RFTN1: variants seen among roughly 807,000 people sequenced by gnomAD.
The protein encoded by RFTN1 is raftlin, lipid raft linker 1.
A neutral mutation model predicts 46.5 loss-of-function variants in RFTN1; 26 were observed. The observed-to-expected ratio is 0.56, with a 90% confidence interval of 0.41 to 0.78. The LOEUF (loss-of-function observed/expected upper bound fraction) is 0.78, where lower values mean the gene tolerates loss of function less well. Ranked by LOEUF, RFTN1 falls within the 30% of genes least tolerant of loss-of-function variation. The pLI is 0.00. For missense variants in RFTN1, 693 were observed against 718.7 expected (o/e 0.96, Z 0.41); for synonymous variants, 261 against 284.2 (o/e 0.92, Z 0.82).
chr3:16,454,424 T>C (rs1198089680), intron 2 of RFTN1, among the ~76,000 whole-genome samples: 2 of 152,162 alleles, frequency 1.3e-5, no homozygotes, highest in African/African-American at 4.8e-5. Flanking sequence ...CCAGATCTAC[T>C]AAATCAGACC....
rs1319125441 is a variant in RFTN1, at chr3:16,446,077, C to G, written c.146-12040G>C. Among the ~76,000 whole-genome samples, 2 of 152,088 alleles carry G rather than the reference C, an allele frequency of 1.3e-5. No individual in the cohort carries two copies. Among genetic ancestry groups the G allele is most frequent in the African/African-American group, 4.8e-5 (2 of 41,390 alleles). ...TGAAGAAATTCTCCTCTGATAAGGC[C>G]ACAGTCCACATCAGGACTGCAGTAG... is the stretch of plus-strand genomic sequence containing the variant. On this transcript the variant is annotated intron_variant, in intron 2 of 9. Transcript: ENST00000334133. The surrounding 1 kb of genome is among the most constrained non-coding windows in gnomAD (Gnocchi z 4.5).
At chr3:16,397,248 C>T (rs764184910) in intron 4 of RFTN1, among the ~76,000 whole-genome samples, 29 of 151,326 alleles carry the variant, frequency 1.9e-4, no homozygotes, top group Admixed American at 1.1e-3. Flanking sequence ...AAGGCAGACA[C>T]GAAATGAAAA....
chr3:16,326,059 G>T (rs1411841427), intron 8 of RFTN1, among the ~76,000 whole-genome samples: 1 of 152,236 alleles, frequency 6.6e-6, no homozygotes, highest in East Asian at 1.9e-4. Flanking sequence ...CCTAGCCTCA[G>T]TTTCCTCATC....
At chr3:16,390,121 C>T (rs56013899) in intron 4 of RFTN1, among the ~76,000 whole-genome samples, 5,432 of 152,276 alleles carry the variant, frequency 0.036, 139 homozygotes, top group Middle Eastern at 0.082. Flanking sequence ...AAGTACTGCC[C>T]AAGTTGCAGA....
chr3:16,465,317 A>G lies in RFTN1; in HGVS notation c.145+28408T>C, dbSNP rs1046361155. ...AGAAAAATGAGAAGTATCCTGAAGA[A>G]TGTGTTCAATTTTTATCCATTTGAT... On this transcript the variant is annotated intron_variant, in intron 2 of 9. Transcript: ENST00000334133. This position sits in a 1 kb window ranked among gnomAD's most constrained non-coding sequence, Gnocchi z 5.1. Among the ~76,000 whole-genome samples the G allele has an allele frequency of 6.6e-6, 1 of 151,970 alleles. No homozygotes were observed. The highest frequency in any genetic ancestry group is 1.5e-5 in the Non-Finnish European group (1 of 67,994).
chr3:16,386,165 C>T (rs2074164639), intron 4 of RFTN1, among the ~76,000 whole-genome samples: 1 of 151,854 alleles, frequency 6.6e-6, no homozygotes, highest in African/African-American at 2.4e-5. Context: ...TAACCTTACC[C>T]ACAGGTAAAA....
intron 1 of RFTN1, among the ~76,000 whole-genome samples, chr3:16,510,564 C>A (rs1483406086): frequency 6.6e-6 from 1 of 152,212 alleles, no homozygotes; most frequent in Non-Finnish European, 1.5e-5. Flanking sequence ...CCCACTGCCT[C>A]AGATTCCCTC....
At position 16,418,087 on chromosome 3, in the gene RFTN1, AT is replaced by A. The variant is rs2075118171; in HGVS notation, c.333-8605del. Among the ~76,000 whole-genome samples, 1 of 152,178 alleles carries A rather than the reference AT, an allele frequency of 6.6e-6. No homozygotes were observed. The highest frequency in any genetic ancestry group is 6.5e-5 in the Admixed American group (1 of 15,288). On this transcript the variant is annotated intron_variant, in intron 3 of 9. Transcript: ENST00000334133. This position sits in a 1 kb window ranked among gnomAD's most constrained non-coding sequence, Gnocchi z 5.0. ...CCCTTTCCTAAGACATTAAAATAGCATTGTTGTAACAAGTACTGCTAACACT... is the reference window on the plus strand; with the variant it reads ...CCCTTTCCTAAGACATTAAAATAGCATGTTGTAACAAGTACTGCTAACACT...
chr3:16,450,802 A>G lies in RFTN1; in HGVS notation c.146-16765T>C, dbSNP rs988188411. On this transcript the variant is annotated intron_variant, in intron 2 of 9. Transcript: ENST00000334133. This position sits in a 1 kb window ranked among gnomAD's most constrained non-coding sequence, Gnocchi z 4.6. The stretch of plus-strand genomic sequence containing the variant: ...CTTTCTTTTTTTTTTCCATCATAAG[A>G]AAACAAAGCCAAAGAGATGGCTGGG... 3.3e-5 allele frequency among the ~76,000 whole-genome samples: 5 copies of G among 151,988 alleles called. No homozygotes were observed. The highest frequency in any genetic ancestry group is 2.6e-4 in the Admixed American group (4 of 15,272).
intron 7 of RFTN1, chr3:16,339,442 T>C (rs2071160906): frequency 6.6e-6 from 1 of 152,214 alleles, no homozygotes; most frequent in Non-Finnish European, 1.5e-5. Context: ...GACATCTGGC[T>C]GTTCATTAGT....
At chr3:16,398,242 C>T (rs1410395953) in intron 4 of RFTN1, among the ~76,000 whole-genome samples, 2 of 89,040 alleles carry the variant, frequency 2.2e-5, no homozygotes, top group African/African-American at 7.7e-5. Flanking sequence ...GAAAGACTGT[C>T]TCAAAAAAAA....
At chr3:16,343,492 G>A (rs990514437) in intron 7 of RFTN1, among the ~76,000 whole-genome samples, 1 of 152,080 alleles carries the variant, frequency 6.6e-6, no homozygotes, top group Non-Finnish European at 1.5e-5. Context: ...ACCATTTCCA[G>A]GTGTCTCCCG....
rs1419624894 is a variant in RFTN1 at position 16,473,714 on chromosome 3, C to T, written c.145+20011G>A. Among the ~76,000 whole-genome samples the T allele has an allele frequency of 3.3e-5, 5 of 152,156 alleles. No homozygotes were observed. Among genetic ancestry groups the T allele is most frequent in the African/African-American group, 9.7e-5 (4 of 41,428 alleles). On this transcript the variant is annotated intron_variant, in intron 2 of 9. Transcript: ENST00000334133. This position sits in a 1 kb window ranked among gnomAD's most constrained non-coding sequence, Gnocchi z 5.3. ...GAGCCACTGCACCTGGCCAAATACT[C>T]GGTATTCTTGAAAGCATTCTATTAG...
At chr3:16,332,952 T>C (rs773435144) in intron 7 of RFTN1, among the ~76,000 whole-genome samples, 2 of 152,208 alleles carry the variant, frequency 1.3e-5, no homozygotes, top group African/African-American at 4.8e-5. Flanking sequence ...AAGAGAAATA[T>C]AGGGTTAGGG....
Position 16,446,442 on chromosome 3 carries a change from G to A in RFTN1, c.146-12405C>T, listed in dbSNP as rs73816459. 5.4e-3 allele frequency among the ~76,000 whole-genome samples: 821 copies of A among 151,970 alleles called. 9 individuals carry two copies. Among genetic ancestry groups the A allele is most frequent in the African/African-American group, 0.019 (772 of 41,432 alleles). ...TCATCGGCCTCATCTCTCGGTCCACGTCCAACAAGCAGAAGGGACACCTCA... is the reference window on the plus strand; with the variant it reads ...TCATCGGCCTCATCTCTCGGTCCACATCCAACAAGCAGAAGGGACACCTCA... On this transcript the variant is annotated intron_variant, in intron 2 of 9. Coordinates refer to ENST00000334133, the MANE Select transcript of RFTN1 (RefSeq NM_015150.2). The surrounding 1 kb of genome is among the most constrained non-coding windows in gnomAD (Gnocchi z 4.5).
rs561142770 is a variant in RFTN1 at position 16,474,794 on chromosome 3, T to C, written c.145+18931A>G. ...AGTTGGGAGATGACATCTTGACAAG[T>C]TGGACTCTTTCGGGACAAAGAATAC... On this transcript the variant is annotated intron_variant, in intron 2 of 9. Transcript: ENST00000334133. The surrounding 1 kb of genome is among the most constrained non-coding windows in gnomAD (Gnocchi z 5.5). Among the ~76,000 whole-genome samples, 144 of 152,330 alleles carry C rather than the reference T, an allele frequency of 9.5e-4. 1 individual carries two copies. The highest frequency in any genetic ancestry group is 3.4e-3 in the Middle Eastern group (1 of 294).
chr3:16,371,083 G>A (rs966350695), intron 5 of RFTN1: 5 of 152,224 alleles, frequency 3.3e-5, no homozygotes, highest in African/African-American at 1.2e-4. Flanking sequence ...CTATTTTTGT[G>A]CTCCTCATTT....
intron 7 of RFTN1, among the ~76,000 whole-genome samples, chr3:16,357,151 AAC>A (rs753817935): frequency 0.033 from 5,052 of 151,022 alleles, 107 homozygotes; most frequent in East Asian, 0.068. Flanking sequence ...CAAACAAACA[AAC>A]AAAAAAAACC....
At chr3:16,365,504 A>G (rs1272870508) in intron 6 of RFTN1, among the ~76,000 whole-genome samples, 7 of 152,200 alleles carry the variant, frequency 4.6e-5, no homozygotes, top group Non-Finnish European at 1.0e-4. Context: ...TTGCAAATAT[A>G]TGATCATGGA....
Sources: gnomAD v4.1 joint callset for allele counts (sites outside exome capture counted in the v4.1 genomes callset) on GRCh38, gnomAD v4.1.1 for gene constraint, Gnocchi (gnomAD v3.1) non-coding constraint, MANE v1.5 for transcripts, NCBI Gene and HGNC (gene_info 2026-07-23, HGNC 2026-07-21) for gene names.